The following RASGEF1B variants were observed in gnomAD, a reference collection of about 807,000 sequenced individuals.
RASGEF1B encodes RasGEF domain family member 1B, also known as ras-GEF domain-containing family member 1B.
A neutral mutation model predicts 65.7 loss-of-function variants in RASGEF1B; 30 were observed. The ratio of observed to expected loss-of-function variants is 0.46; its 90% CI spans 0.34 to 0.62. The LOEUF is 0.62. RASGEF1B is among the 20% of genes least tolerant of loss of function. The pLI is 0.01. For missense variants in RASGEF1B, 495 were observed against 580.1 expected (o/e 0.85, Z 1.51); for synonymous variants, 175 against 194.8 (o/e 0.90, Z 0.85).
Position 81,427,494 on chromosome 4 carries a change from TG to T in RASGEF1B, c.*273del. 2.5e-6 allele frequency: 1 copy of T among 407,716 alleles called. No individual in the cohort carries two copies. The highest frequency in any genetic ancestry group is 4.3e-6 in the Non-Finnish European group (1 of 231,452). 25.3% of individuals were successfully genotyped at this position (407,716 alleles called of 1,614,324 possible). On this transcript the variant is annotated 3_prime_UTR_variant, in exon 14 of 14. Coordinates refer to ENST00000264400, the MANE Select transcript of RASGEF1B (RefSeq NM_152545.3). ...TGATTCACATGGAAATTCCAGGAGA[TG>T]AATAATGTGCAGAGCCGGGATTTTT...
At chr4:81,443,095 C>A (rs1426597410) in intron 8 of RASGEF1B, among the ~76,000 whole-genome samples, 6 of 152,212 alleles carry the variant, frequency 3.9e-5, no homozygotes, top group Non-Finnish European at 5.9e-5. Flanking sequence ...AACACCATAA[C>A]CCACACTCAT....
In RASGEF1B at chr4:81,433,829, A is replaced by C; in HGVS notation, c.1324+11T>G. On this transcript the variant is annotated intron_variant, in intron 12 of 13. Coordinates refer to ENST00000264400, the MANE Select transcript of RASGEF1B (RefSeq NM_152545.3). ...GGGATGCTAGTGGTAGCTCCTATTG[A>C]ATGGCCTTACCATCTTCACTGAAGA... 1 of 1,612,408 alleles carries C rather than the reference A, an allele frequency of 6.2e-7. No homozygotes were observed. The highest frequency in any genetic ancestry group is 8.5e-7 in the Non-Finnish European group (1 of 1,179,458).
intron 8 of RASGEF1B, among the ~76,000 whole-genome samples, chr4:81,442,805 G>A (rs765481747): frequency 6.6e-6 from 1 of 152,166 alleles, no homozygotes; most frequent in Non-Finnish European, 1.5e-5. Flanking sequence ...TGTTAGAAAT[G>A]TTAGTATTAT....
At chr4:81,465,559 C>T (rs557217870) in intron 1 of RASGEF1B, among the ~76,000 whole-genome samples, 1 of 152,294 alleles carries the variant, frequency 6.6e-6, no homozygotes, top group South Asian at 2.1e-4. Flanking sequence ...TGACATTGAT[C>T]CAGCAGCAAG....
intron 10 of RASGEF1B, among the ~76,000 whole-genome samples, chr4:81,435,927 T>C (rs764887026): frequency 3.3e-5 from 5 of 151,702 alleles, no homozygotes; most frequent in African/African-American, 4.8e-5. Flanking sequence ...TACAGGCACG[T>C]GCCACCACAC....
intron 2 of RASGEF1B, 82 bp downstream of exon 2, chr4:81,459,250 G>T: frequency 9.8e-7 from 1 of 1,019,454 alleles, no homozygotes; most frequent in Non-Finnish European, 1.4e-6. Flanking sequence ...ATATAATTCT[G>T]TATTATCTAT....
In RASGEF1B at chr4:81,459,613, GA is replaced by G. The variant is rs917553931; in HGVS notation, c.-6-100del. On this transcript the variant is annotated intron_variant, in intron 1 of 13. Coordinates refer to ENST00000264400, the MANE Select transcript of RASGEF1B (RefSeq NM_152545.3). ...GCACTAAGATTTAATAGTAACGAGA[GA>G]ATAGGCAATTAAAATAGTAGTTCAG... is the stretch of plus-strand genomic sequence containing the variant. 3 of 897,440 alleles carry G rather than the reference GA, an allele frequency of 3.3e-6. No individual in the cohort carries two copies. The African/African-American group carries it at 5.1e-5, about 15-fold the overall frequency. 55.6% of individuals were successfully genotyped at this position (897,440 alleles called of 1,614,324 possible). A position where few individuals can be genotyped will look rare whatever the true frequency, so the allele number is the denominator to read the frequency against.
rs551017910 is a variant in RASGEF1B at position 81,445,448 on chromosome 4, A to G, written c.928+78T>C. The stretch of plus-strand genomic sequence containing the variant: ...ATACAGTCTGTACTAACAAAACCAT[A>G]CTATTTGCACATTTTCTGTGGGTCA... On this transcript the variant is annotated intron_variant, in intron 8 of 13. Coordinates refer to ENST00000264400, the MANE Select transcript of RASGEF1B (RefSeq NM_152545.3). 13 of 1,019,076 alleles carry G rather than the reference A, an allele frequency of 1.3e-5. No individual in the cohort carries two copies. The East Asian group carries it at 3.1e-4, about 24-fold the overall frequency. The allele number at this position is 1,019,076 out of a possible 1,614,324, so 63.1% of individuals were successfully genotyped here.
intron 10 of RASGEF1B, among the ~76,000 whole-genome samples, chr4:81,438,348 C>T (rs1199396403): frequency 6.6e-6 from 1 of 152,222 alleles, no homozygotes; most frequent in African/African-American, 2.4e-5. Flanking sequence ...AAAAGATTCA[C>T]CATATTGGTC....
At chr4:81,445,707 G>A in intron 7 of RASGEF1B, 36 bp downstream of exon 7, 6 of 1,590,990 alleles carry the variant, frequency 3.8e-6, no homozygotes, top group South Asian at 1.1e-5. Flanking sequence ...AAAAAATAAT[G>A]TTGAGAACTA....
At chr4:81,445,377 C>T in intron 8 of RASGEF1B, 149 bp downstream of exon 8, 6 of 638,892 alleles carry the variant, frequency 9.4e-6, no homozygotes, top group Non-Finnish European at 1.7e-5. Flanking sequence ...ACTCATTTGG[C>T]TATTTAAAGC....
At chr4:81,461,254 G>T (rs1722633404) in intron 1 of RASGEF1B, among the ~76,000 whole-genome samples, 1 of 141,270 alleles carries the variant, frequency 7.1e-6, no homozygotes, top group African/African-American at 2.5e-5. Flanking sequence ...AACTCATAGT[G>T]CCCTCAAACG....
At chr4:81,442,263 T>G in intron 9 of RASGEF1B, 34 bp downstream of exon 9, 1 of 1,394,234 alleles carries the variant, frequency 7.2e-7, no homozygotes, top group Non-Finnish European at 1.0e-6. Context: ...AGGTGTAAAG[T>G]GTTACTTAAC....
chr4:81,427,150 A>AGCCAACT lies in RASGEF1B; in HGVS notation c.*611_*617dup, dbSNP rs1444497384. ...GGTAAAAAGGAGTTTGCTAACCAGC[A>AGCCAACT]GCCAACTCAAAACCTTGTAGGAGGA... On this transcript the variant is annotated 3_prime_UTR_variant, in exon 14 of 14. Coordinates refer to ENST00000264400, the MANE Select transcript of RASGEF1B (RefSeq NM_152545.3). 1 of 152,666 alleles carries AGCCAACT rather than the reference A, an allele frequency of 6.6e-6. No individual in the cohort carries two copies. The allele number at this position is 152,666 out of a possible 1,614,324, so 9.5% of individuals were successfully genotyped here.
intron 4 of RASGEF1B, chr4:81,454,025 G>T (rs1448112868): frequency 6.6e-6 from 1 of 152,164 alleles, no homozygotes; most frequent in Non-Finnish European, 1.5e-5. Flanking sequence ...CAATTCCTCA[G>T]TTAGAACTGG....
At chr4:81,445,379 A>C (rs1325633601) in intron 8 of RASGEF1B, 147 bp downstream of exon 8, 1 of 647,118 alleles carries the variant, frequency 1.5e-6, no homozygotes, top group Non-Finnish European at 2.8e-6. Context: ...TCATTTGGCT[A>C]TTTAAAGCAT....
chr4:81,429,988 C>T (rs1159556086), intron 13 of RASGEF1B, among the ~76,000 whole-genome samples: 4 of 152,236 alleles, frequency 2.6e-5, no homozygotes, highest in African/African-American at 9.6e-5. Flanking sequence ...TCCCTTTGGG[C>T]TCCCCCATAG....
intron 1 of RASGEF1B, among the ~76,000 whole-genome samples, chr4:81,463,512 A>T (rs1054038098): frequency 2.6e-5 from 4 of 152,212 alleles, no homozygotes; most frequent in Non-Finnish European, 4.4e-5. Flanking sequence ...AAAAAAATTT[A>T]ATGAAAGAAA....
At chr4:81,455,953 T>C (rs1030887020) in intron 4 of RASGEF1B, 1 of 152,500 alleles carries the variant, frequency 6.6e-6, no homozygotes, top group Non-Finnish European at 1.5e-5. Flanking sequence ...CAGGAAGGTA[T>C]GTTGTAAACA....
Sources: gnomAD v4.1 joint callset for allele counts (sites outside exome capture counted in the v4.1 genomes callset) on GRCh38, gnomAD v4.1.1 for gene constraint, MANE v1.5 for transcripts, NCBI Gene and HGNC (gene_info 2026-07-23, HGNC 2026-07-21) for gene names.